Variants in NAALADL2 observed in about 807,000 individuals in gnomAD.
The protein encoded by NAALADL2 is inactive N-acetylated-alpha-linked acidic dipeptidase-like protein 2.
In NAALADL2, 76 loss-of-function variants were observed where a neutral mutation model predicts 87.2. That is an observed-to-expected ratio of 0.87 (90% CI 0.72 to 1.05). The LOEUF (loss-of-function observed/expected upper bound fraction) is 1.05. NAALADL2 is among the 50% of genes least tolerant of loss of function. The pLI, the probability that NAALADL2 is intolerant of heterozygous loss-of-function variation, is 0.00. For missense variants in NAALADL2, 1,089 were observed against 945.8 expected (o/e 1.15, Z -1.99); for synonymous variants, 354 against 331.0 (o/e 1.07, Z -0.75).
At chr3:174,661,538 A>T (rs1354778517) in intron 2 of NAALADL2, among the ~76,000 whole-genome samples, 1 of 150,100 alleles carries the variant, frequency 6.7e-6, no homozygotes, top group African/African-American at 2.5e-5. Context: ...AATGACACTG[A>T]TGCTTCTTCT....
chr3:174,526,385 C>CGGTTTATAGCCCGG (rs1720749517), intron 1 of NAALADL2, among the ~76,000 whole-genome samples: 1 of 152,132 alleles, frequency 6.6e-6, no homozygotes, highest in East Asian at 1.9e-4. Context: ...TTTACAACCT[C>CGGTTTATAGCCCGG]TTTATAGCCC....
At chr3:175,309,754 AG>A (rs1758141933) in intron 4 of NAALADL2, among the ~76,000 whole-genome samples, 1 of 152,058 alleles carries the variant, frequency 6.6e-6, no homozygotes, top group Admixed American at 6.5e-5. Context: ...TAAAATAAGG[AG>A]GAAAAAATAA....
At chr3:174,496,292 C>T (rs1363604556) in intron 1 of NAALADL2, among the ~76,000 whole-genome samples, 1 of 152,096 alleles carries the variant, frequency 6.6e-6, no homozygotes, top group Non-Finnish European at 1.5e-5. Flanking sequence ...GAAAATGTAA[C>T]TTCCATTAGT....
chr3:174,541,796 C>T (rs1722256604), intron 1 of NAALADL2, among the ~76,000 whole-genome samples: 1 of 152,190 alleles, frequency 6.6e-6, no homozygotes, highest in East Asian at 1.9e-4. Context: ...GATAAAGACA[C>T]TGCTGATGAT....
At chr3:174,594,142 A>C (rs1560078624) in intron 2 of NAALADL2, among the ~76,000 whole-genome samples, 1 of 152,140 alleles carries the variant, frequency 6.6e-6, no homozygotes, top group East Asian at 1.9e-4. Flanking sequence ...CTCCTTATAC[A>C]AGTTTACTTT....
intron 2 of NAALADL2, among the ~76,000 whole-genome samples, chr3:174,559,756 T>C (rs1312363319): frequency 1.3e-5 from 2 of 152,142 alleles, no homozygotes; most frequent in Non-Finnish European, 2.9e-5. Flanking sequence ...ATAAGGGTGG[T>C]AATTCCATTT....
chr3:175,117,148 C>G (rs1044732085), intron 2 of NAALADL2, among the ~76,000 whole-genome samples: 4 of 152,036 alleles, frequency 2.6e-5, no homozygotes, highest in African/African-American at 9.7e-5. Context: ...AGACCTAAAA[C>G]CATAAAAACC....
At chr3:175,731,560 G>A (rs1331384481) in intron 11 of NAALADL2, among the ~76,000 whole-genome samples, 1 of 152,194 alleles carries the variant, frequency 6.6e-6, no homozygotes, top group Non-Finnish European at 1.5e-5. Flanking sequence ...GTGTGCCTGA[G>A]GAAGACTGAG....
intron 2 of NAALADL2, among the ~76,000 whole-genome samples, chr3:174,730,822 C>A: frequency 6.6e-6 from 1 of 152,068 alleles, no homozygotes; most frequent in East Asian, 1.9e-4. Context: ...TTAATGCTTT[C>A]CACTTATCAA....
chr3:175,667,614 A>G (rs765784919), intron 11 of NAALADL2, among the ~76,000 whole-genome samples: 2 of 152,176 alleles, frequency 1.3e-5, no homozygotes, highest in African/African-American at 4.8e-5. Context: ...TTTAAATTGT[A>G]TCAGATTTAA....
intron 13 of NAALADL2, among the ~76,000 whole-genome samples, chr3:175,767,165 A>C (rs1468617569): frequency 6.6e-6 from 1 of 152,112 alleles, no homozygotes; most frequent in Non-Finnish European, 1.5e-5. Context: ...GTGCTGCTTA[A>C]CCAGTCTGCT....
At chr3:174,699,837 C>CTTTTTT (rs35197419) in intron 2 of NAALADL2, among the ~76,000 whole-genome samples, 1 of 125,024 alleles carries the variant, frequency 8.0e-6, no homozygotes, top group Admixed American at 8.0e-5. Flanking sequence ...TTTTAAGATG[C>CTTTTTT]TTTTTTTTTT....
intron 9 of NAALADL2, among the ~76,000 whole-genome samples, chr3:175,571,619 G>A (rs1249614403): frequency 6.6e-6 from 1 of 152,126 alleles, no homozygotes; most frequent in African/African-American, 2.4e-5. Flanking sequence ...GAAGTGCTGT[G>A]AGGAAAAACT....
chr3:174,571,520 C>T (rs964849826), intron 2 of NAALADL2, among the ~76,000 whole-genome samples: 1 of 152,126 alleles, frequency 6.6e-6, no homozygotes, highest in Non-Finnish European at 1.5e-5. Flanking sequence ...GCTGGGATTA[C>T]AGGCATGTGC....
At chr3:175,784,350 G>T (rs1451576747) in intron 13 of NAALADL2, among the ~76,000 whole-genome samples, 2 of 151,850 alleles carry the variant, frequency 1.3e-5, no homozygotes, top group African/African-American at 4.8e-5. Context: ...TTTTTGGTTG[G>T]TAAACTATTG....
intron 2 of NAALADL2, among the ~76,000 whole-genome samples, chr3:174,735,839 C>T (rs764184526): frequency 6.6e-6 from 1 of 152,186 alleles, no homozygotes. Context: ...GAGTTTTGCT[C>T]AGGTCCACTG....
chr3:175,033,297 T>C (rs558282379), intron 1 of NAALADL2, among the ~76,000 whole-genome samples: 1 of 152,224 alleles, frequency 6.6e-6, no homozygotes, highest in East Asian at 1.9e-4. Context: ...AAACTTCTTC[T>C]CTGACCGTGC....
At chr3:174,983,850 TA>T (rs1666462211) in intron 1 of NAALADL2, among the ~76,000 whole-genome samples, 1 of 152,172 alleles carries the variant, frequency 6.6e-6, no homozygotes, top group South Asian at 2.1e-4. Flanking sequence ...CTCCATGAAT[TA>T]GCTAGCCCTG....
chr3:174,625,111 G>T (rs9864506), intron 2 of NAALADL2, among the ~76,000 whole-genome samples: 97,466 of 143,646 alleles, frequency 0.68, 33,250 homozygotes, highest in South Asian at 0.75. Context: ...TGGGCTAGAG[G>T]GCAGTGGTAC....
Sources: allele counts gnomAD v4.1 joint callset (sites outside exome capture counted in the v4.1 genomes callset), GRCh38; gene constraint gnomAD v4.1.1; transcripts MANE v1.5; gene names NCBI Gene and HGNC (gene_info 2026-07-23, HGNC 2026-07-21).